Variants in ESR1 observed in about 807,000 individuals in gnomAD.
ESR1 encodes estrogen receptor.
Under a neutral mutation model 52.7 loss-of-function variants are expected in ESR1, and 12 were observed. The observed-to-expected ratio is 0.23, with a 90% CI of 0.15 to 0.37. The LOEUF (loss-of-function observed/expected upper bound fraction) is 0.37. Ranked by LOEUF, ESR1 falls within the 10% of genes least tolerant of loss-of-function variation. The pLI is 1.00. For missense variants in ESR1, 584 were observed against 779.7 expected (o/e 0.75, Z 2.99); for synonymous variants, 305 against 316.8 (o/e 0.96, Z 0.39).
intron 3 of ESR1, among the ~76,000 whole-genome samples, chr6:151,897,007 G>A (rs1263390926): frequency 1.3e-5 from 2 of 152,180 alleles, no homozygotes; most frequent in Non-Finnish European, 2.9e-5. Flanking sequence ...TCCTTTTGGA[G>A]TCGATTTCCA....
intron 5 of ESR1, among the ~76,000 whole-genome samples, chr6:152,014,144 G>A (rs1354177309): frequency 1.3e-5 from 2 of 152,096 alleles, no homozygotes; most frequent in Non-Finnish European, 2.9e-5. Context: ...CCCCATGATT[G>A]TGAGGCTTCC....
chr6:151,660,190 C>G (rs1457596549), intron 1 of ESR1, among the ~76,000 whole-genome samples: 1 of 152,146 alleles, frequency 6.6e-6, no homozygotes, highest in Non-Finnish European at 1.5e-5. Flanking sequence ...GATTGTAAGA[C>G]TTGGGCTGGT....
At chr6:152,104,646 C>T (rs1033739768), downstream of ESR1, among the ~76,000 whole-genome samples, 2 of 152,192 alleles carry the variant, frequency 1.3e-5, no homozygotes, top group African/African-American at 4.8e-5. Context: ...GTTTCTGAGA[C>T]AATTTCTAAA....
intron 4 of ESR1, among the ~76,000 whole-genome samples, chr6:151,977,441 C>CAAAA (rs200819406): frequency 3.1e-5 from 4 of 130,494 alleles, no homozygotes; most frequent in African/African-American, 8.7e-5. Context: ...CTGTGTAGTG[C>CAAAA]AAAAAAAAAA....
chr6:151,970,625 C>T (rs1050550070), intron 4 of ESR1, among the ~76,000 whole-genome samples: 1 of 152,140 alleles, frequency 6.6e-6, no homozygotes, highest in Non-Finnish European at 1.5e-5. Flanking sequence ...TTGTTAATAA[C>T]ACATTACATG....
upstream of ESR1, among the ~76,000 whole-genome samples, chr6:151,801,123 G>A (rs75499922): frequency 0.07 from 10,551 of 151,406 alleles, 493 homozygotes; most frequent in Non-Finnish European, 0.092. Flanking sequence ...CTGAATCTAA[G>A]TGAATTTAGG....
At chr6:151,793,037 G>A (rs1776336851) in intron 2 of ESR1, among the ~76,000 whole-genome samples, 1 of 151,998 alleles carries the variant, frequency 6.6e-6, no homozygotes, top group Admixed American at 6.6e-5. Flanking sequence ...CGGGCATGGT[G>A]GTGTGCACCT....
chr6:151,819,083 A>G (rs1780140651), intron 1 of ESR1, among the ~76,000 whole-genome samples: 1 of 152,140 alleles, frequency 6.6e-6, no homozygotes, highest in Middle Eastern at 3.2e-3. Flanking sequence ...CATCTGTACC[A>G]TGTACCCTTC....
upstream of ESR1, among the ~76,000 whole-genome samples, chr6:151,688,366 T>C (rs1778769065): frequency 6.6e-6 from 1 of 152,222 alleles, no homozygotes; most frequent in Admixed American, 6.5e-5. Flanking sequence ...TTTAAAAGCA[T>C]GGAGGCTTGA....
At chr6:152,051,939 G>T (rs9478272) in intron 5 of ESR1, among the ~76,000 whole-genome samples, 65 of 152,246 alleles carry the variant, frequency 4.3e-4, no homozygotes, top group African/African-American at 1.4e-3. Flanking sequence ...AGGGGCCGTG[G>T]TCGGGGCTTG....
intron 3 of ESR1, among the ~76,000 whole-genome samples, chr6:151,938,744 T>C (rs1052840211): frequency 4.6e-5 from 7 of 152,180 alleles, no homozygotes; most frequent in African/African-American, 1.4e-4. Context: ...CAAATCCACA[T>C]TGATTGTTAC....
intron 4 of ESR1, among the ~76,000 whole-genome samples, chr6:151,993,183 A>T (rs549390357): frequency 6.6e-6 from 1 of 152,302 alleles, no homozygotes. Context: ...AAAGATTTTT[A>T]TATATATGTA....
At chr6:152,091,483 A>G (rs1263707381) in intron 6 of ESR1, among the ~76,000 whole-genome samples, 1 of 152,238 alleles carries the variant, frequency 6.6e-6, no homozygotes, top group Non-Finnish European at 1.5e-5. Context: ...TGCAGGCAAT[A>G]TCTGCTCTTA....
rs1318511707 is a variant in ESR1, at chr6:152,100,327, C to T, written c.*1361C>T. 3 of 381,392 alleles carry T rather than the reference C, an allele frequency of 7.9e-6. No individual in the cohort carries two copies. The highest frequency in any genetic ancestry group is 1.4e-5 in the Non-Finnish European group (3 of 215,430). The allele number at this position is 381,392 out of a possible 1,614,324, so 23.6% of individuals were successfully genotyped here. On this transcript the variant is annotated 3_prime_UTR_variant, in exon 8 of 8. Coordinates refer to ENST00000206249, the MANE Select transcript of ESR1 (RefSeq NM_000125.4). Reference sequence around the variant, plus strand: ...CTGTCACTACTCAGGCTGACTGGGGCCTGGTCAGATTACGTATGCCCTTGG... The same window carrying T: ...CTGTCACTACTCAGGCTGACTGGGGTCTGGTCAGATTACGTATGCCCTTGG...
Position 151,807,901 on chromosome 6 carries a change from C to T in ESR1, c.-12C>T. ...GGGGACACGGTCTGCACCCTGCCCG[C>T]GGCCACGGACCATGACCATGACCCT... is the stretch of plus-strand genomic sequence containing the variant. On this transcript the variant is annotated 5_prime_UTR_variant, in exon 1 of 8. Coordinates refer to ENST00000206249, the MANE Select transcript of ESR1 (RefSeq NM_000125.4). The T allele has an allele frequency of 1.2e-6, 2 of 1,611,786 alleles. No individual in the cohort carries two copies. The highest frequency in any genetic ancestry group is 1.7e-6 in the Non-Finnish European group (2 of 1,178,498).
intron 6 of ESR1, among the ~76,000 whole-genome samples, chr6:152,112,543 G>A (rs866916976): frequency 6.6e-6 from 1 of 152,124 alleles, no homozygotes; most frequent in Non-Finnish European, 1.5e-5. Context: ...CCAATCAAAA[G>A]GATTGAAAAC....
chr6:151,885,975 A>G (rs1005280866), intron 3 of ESR1, among the ~76,000 whole-genome samples: 7 of 152,190 alleles, frequency 4.6e-5, no homozygotes, highest in African/African-American at 1.7e-4. Context: ...TAGCTATTAC[A>G]TATCTTTTTT....
intron 7 of ESR1, among the ~76,000 whole-genome samples, chr6:152,095,157 CAG>C (rs1420132017): frequency 1.3e-5 from 2 of 152,300 alleles, no homozygotes; most frequent in Non-Finnish European, 2.9e-5. Flanking sequence ...ATGATGTGTC[CAG>C]AGTGATCATT....
chr6:152,027,818 G>C (rs1335350947), intron 5 of ESR1, among the ~76,000 whole-genome samples: 3 of 152,162 alleles, frequency 2.0e-5, no homozygotes, highest in African/African-American at 7.2e-5. Context: ...ACTCAAATCA[G>C]ACTTCTTGAT....
Sources: allele counts gnomAD v4.1 joint callset (sites outside exome capture counted in the v4.1 genomes callset), GRCh38; gene constraint gnomAD v4.1.1; transcripts MANE v1.5; gene names NCBI Gene and HGNC (gene_info 2026-07-23, HGNC 2026-07-21).